The following GPALPP1 variants were observed in gnomAD, a reference collection of about 807,000 sequenced individuals.
GPALPP1 encodes the protein GPALPP motifs containing 1.
Under a neutral mutation model 38.9 loss-of-function variants are expected in GPALPP1, and 30 were observed. That is an observed-to-expected ratio of 0.77 (90% CI 0.58 to 1.05). The LOEUF is 1.05. GPALPP1 is among the 50% of genes least tolerant of loss of function. The probability of loss-of-function intolerance (pLI) is 0.00; values close to 1 mark genes in which losing one functional copy is unlikely to be tolerated. For missense variants in GPALPP1, 384 were observed against 408.8 expected, an observed-to-expected ratio of 0.94 and a Z score of 0.52; for synonymous variants, 120 against 139.2, an observed-to-expected ratio of 0.86 and a Z score of 0.97.
chr13:44,996,346 C>A (rs1218509728), intron 1 of GPALPP1, among the ~76,000 whole-genome samples: 1 of 150,220 alleles, frequency 6.7e-6, no homozygotes, highest in African/African-American at 2.5e-5. Flanking sequence ...TAAAACAAGA[C>A]CTTGTCGCAA....
intron 7 of GPALPP1, among the ~76,000 whole-genome samples, chr13:45,023,413 T>C (rs1364172385): frequency 6.6e-6 from 1 of 152,248 alleles, no homozygotes; most frequent in Non-Finnish European, 1.5e-5. Context: ...AGTGATTTAA[T>C]GTATTCCTCT....
At chr13:45,034,354 C>T (rs982963812), downstream of GPALPP1, 2 of 152,094 alleles carry the variant, frequency 1.3e-5, no homozygotes, top group African/African-American at 4.8e-5. Context: ...CAAGTAATTG[C>T]ACATTGTTGA....
intron 1 of GPALPP1, among the ~76,000 whole-genome samples, chr13:44,996,193 A>G (rs892800315): frequency 6.6e-6 from 1 of 152,076 alleles, no homozygotes; most frequent in African/African-American, 2.4e-5. Context: ...CATCTCTACT[A>G]AAAATTTAAA....
intron 1 of GPALPP1, among the ~76,000 whole-genome samples, chr13:45,000,001 ATT>A (rs903807134): frequency 6.6e-6 from 1 of 151,862 alleles, no homozygotes; most frequent in Non-Finnish European, 1.5e-5. Flanking sequence ...TTTTTATACT[ATT>A]TTTCCGTGAT....
chr13:44,993,299 G>C (rs756542028), intron 1 of GPALPP1, among the ~76,000 whole-genome samples: 1 of 152,072 alleles, frequency 6.6e-6, no homozygotes, highest in Non-Finnish European at 1.5e-5. Context: ...TCTTTTGGTC[G>C]TATACCCAGA....
chr13:45,018,125 T>C (rs771340473), intron 6 of GPALPP1, among the ~76,000 whole-genome samples: 18 of 152,150 alleles, frequency 1.2e-4, no homozygotes, highest in Admixed American at 7.2e-4. Flanking sequence ...TGTCTGGGCG[T>C]GGTGGCTCAC....
At position 45,028,975 on chromosome 13, in the gene GPALPP1, T is replaced by C. The variant is rs564521847; in HGVS notation, c.*972T>C. 10 of 152,290 alleles carry C rather than the reference T, an allele frequency of 6.6e-5. No individual in the cohort carries two copies. Among genetic ancestry groups the C allele is most frequent in the Admixed American group, 4.6e-4 (7 of 15,282 alleles). The allele number at this position is 152,290 out of a possible 1,614,324, so 9.4% of individuals were successfully genotyped here. On this transcript the variant is annotated 3_prime_UTR_variant, in exon 8 of 8. Transcript: ENST00000379151. ...TGGGAGCCTGAGGCAGGAGAATTGC[T>C]TGAACCCGGGAGGTGGAGGTTACAG...
At chr13:44,996,540 G>A (rs987636065) in intron 1 of GPALPP1, among the ~76,000 whole-genome samples, 2 of 151,284 alleles carry the variant, frequency 1.3e-5, no homozygotes, top group Non-Finnish European at 2.9e-5. Context: ...CTGGAGTGCA[G>A]TGGCATGATC....
chr13:45,033,391 A>T (rs896234054), downstream of GPALPP1: 9 of 151,300 alleles, frequency 5.9e-5, no homozygotes, highest in African/African-American at 2.2e-4. Context: ...TTTTGATGCC[A>T]TCATGAGATT....
At chr13:45,019,869 T>C (rs1461003813) in intron 6 of GPALPP1, among the ~76,000 whole-genome samples, 1 of 142,188 alleles carries the variant, frequency 7.0e-6, no homozygotes, top group Non-Finnish European at 1.5e-5. Context: ...TCAAGTATGT[T>C]AATATTTTGA....
At chr13:45,020,089 C>T (rs987353027) in intron 6 of GPALPP1, among the ~76,000 whole-genome samples, 5 of 151,806 alleles carry the variant, frequency 3.3e-5, no homozygotes, top group Admixed American at 2.0e-4. Context: ...CCATGTTGCC[C>T]AGGCTGGTCT....
At chr13:45,009,945 C>G (rs1874356682) in intron 4 of GPALPP1, among the ~76,000 whole-genome samples, 1 of 152,116 alleles carries the variant, frequency 6.6e-6, no homozygotes, top group African/African-American at 2.4e-5. Context: ...CTTTATGTAG[C>G]CCTTTCTCCT....
chr13:45,011,246 T>C (rs1392814228), intron 4 of GPALPP1, among the ~76,000 whole-genome samples: 3 of 152,138 alleles, frequency 2.0e-5, no homozygotes, highest in African/African-American at 7.2e-5. Flanking sequence ...TTCAAAGCTT[T>C]GCGTTGAGCC....
intron 1 of GPALPP1, among the ~76,000 whole-genome samples, chr13:44,991,264 T>A (rs1031166300): frequency 2.0e-5 from 3 of 151,806 alleles, no homozygotes; most frequent in Non-Finnish European, 4.4e-5. Flanking sequence ...CTGGCCAACA[T>A]GGTGAAACCC....
chr13:45,027,702 A>G, intron 7 of GPALPP1, 83 bp from the exon 8 acceptor site: 1 of 675,956 alleles, frequency 1.5e-6, no homozygotes, highest in Non-Finnish European at 2.6e-6. Context: ...CACCATTACT[A>G]TCTATTCCGT....
At chr13:45,018,354 G>A (rs938711606) in intron 6 of GPALPP1, among the ~76,000 whole-genome samples, 4 of 150,884 alleles carry the variant, frequency 2.7e-5, no homozygotes, top group Non-Finnish European at 5.9e-5. Context: ...CCGAGATTGT[G>A]CCACTGCACT....
At chr13:45,018,745 C>G (rs1332243831) in intron 6 of GPALPP1, among the ~76,000 whole-genome samples, 2 of 151,632 alleles carry the variant, frequency 1.3e-5, no homozygotes, top group East Asian at 3.9e-4. Flanking sequence ...TGGGCCTTCC[C>G]CATTCCAATT....
rs2138024540 is a variant in GPALPP1 at position 45,029,651 on chromosome 13, A to G, written c.*1648A>G. 1 of 152,298 alleles carries G rather than the reference A, an allele frequency of 6.6e-6. No individual in the cohort carries two copies. The highest frequency in any genetic ancestry group is 1.9e-4 in the East Asian group (1 of 5,184). The allele number at this position is 152,298 out of a possible 1,614,324, so 9.4% of individuals were successfully genotyped here. A position where few individuals can be genotyped will look rare whatever the true frequency, so the allele number is the denominator to read the frequency against. ...TGTGTCAAGTCCTTACTGTAAATCC[A>G]TGACTTTGAAATTTGTTGTTTTTTC... On this transcript the variant is annotated 3_prime_UTR_variant, in exon 8 of 8. Coordinates refer to ENST00000379151, the MANE Select transcript of GPALPP1 (RefSeq NM_018559.5).
In GPALPP1 at chr13:45,012,811, G is replaced by A. The variant is rs529837972; in HGVS notation, c.409-2141G>A. Among the ~76,000 whole-genome samples, 3 of 152,230 alleles carry A rather than the reference G, an allele frequency of 2.0e-5. No individual in the cohort carries two copies. The South Asian group carries it at 6.2e-4, about 32-fold the overall frequency. On this transcript the variant is annotated intron_variant, in intron 4 of 7. Coordinates refer to ENST00000379151, the MANE Select transcript of GPALPP1 (RefSeq NM_018559.5). Reference sequence around the variant, plus strand: ...AGTTTTGAGATTTTCGTTTCTCAAAGATGGGCTTTTCTTTGCCTCATTCCC... The same window carrying A: ...AGTTTTGAGATTTTCGTTTCTCAAAAATGGGCTTTTCTTTGCCTCATTCCC...
Sources: allele counts gnomAD v4.1 joint callset (sites outside exome capture counted in the v4.1 genomes callset), GRCh38; gene constraint gnomAD v4.1.1; transcripts MANE v1.5; gene names NCBI Gene and HGNC (gene_info 2026-07-23, HGNC 2026-07-21).